TC2N: variants seen among roughly 807,000 people sequenced by gnomAD.
TC2N encodes the protein tandem C2 domains nuclear protein.
TC2N carries 51 observed loss-of-function variants against 61.9 expected under a neutral mutation model. The ratio of observed to expected loss-of-function variants is 0.82; its 90% CI spans 0.66 to 1.04. TC2N has a LOEUF of 1.04. Among genes scored for constraint, TC2N ranks in the 50% least tolerant of loss-of-function variants. TC2N has a pLI of 0.00. For synonymous variants in TC2N, 204 were observed against 192.6 expected (o/e 1.06, Z -0.49); for missense variants, 556 against 566.7 (o/e 0.98, Z 0.19).
At chr14:91,823,310 C>A (rs1009347368) in intron 1 of TC2N, among the ~76,000 whole-genome samples, 1 of 151,686 alleles carries the variant, frequency 6.6e-6, no homozygotes, top group Non-Finnish European at 1.5e-5. Context: ...CACCTAAGGT[C>A]GGGAGTTCGA....
chr14:91,838,681 T>C lies in TC2N; in HGVS notation c.-56-24856A>G, dbSNP rs1199954200. Among the ~76,000 whole-genome samples, 3 of 152,238 alleles carry C rather than the reference T, an allele frequency of 2.0e-5. No individual in the cohort carries two copies. In the East Asian group the frequency reaches 5.8e-4, roughly 29 times the overall value. ...CCTTAAATGAACAACTTTAACAAAC[T>C]CTTCACTGATGCAGAAGTACCAAGA... is the stretch of plus-strand genomic sequence containing the variant. On this transcript the variant is annotated intron_variant, in intron 1 of 11. Transcript: ENST00000435962.
chr14:91,787,279 TA>T (rs1885410876), intron 10 of TC2N, among the ~76,000 whole-genome samples: 1 of 151,930 alleles, frequency 6.6e-6, no homozygotes, highest in South Asian at 2.1e-4. Context: ...ATGAGCTAAA[TA>T]AAAAACAGTA....
chr14:91,797,254 T>C (rs897232693), intron 8 of TC2N, among the ~76,000 whole-genome samples: 8 of 152,204 alleles, frequency 5.3e-5, no homozygotes, highest in African/African-American at 1.9e-4. Flanking sequence ...TTGAATGATA[T>C]TATTTTAAAA....
At chr14:91,820,642 A>C (rs565360012) in intron 1 of TC2N, among the ~76,000 whole-genome samples, 18 of 151,982 alleles carry the variant, frequency 1.2e-4, no homozygotes, top group African/African-American at 4.3e-4. Context: ...TGTCAAAGGC[A>C]TTCATCTTGG....
At position 91,803,199 on chromosome 14, in the gene TC2N, A is replaced by G. The variant is rs76836820; in HGVS notation, c.302-778T>C. On this transcript the variant is annotated intron_variant, in intron 3 of 11. Transcript: ENST00000435962. ...ACAGGGAAAAAATAAGCCTGCATTC[A>G]ACTAAAGATATTCACAAAAAAATTA... 6.7e-3 allele frequency among the ~76,000 whole-genome samples: 1,024 copies of G among 152,194 alleles called. 7 individuals are homozygous for G. Among genetic ancestry groups the G allele is most frequent in the Non-Finnish European group, 9.6e-3 (651 of 67,996 alleles).
intron 1 of TC2N, among the ~76,000 whole-genome samples, chr14:91,852,379 G>A (rs112142043): frequency 2.4e-4 from 36 of 152,038 alleles, no homozygotes; most frequent in Admixed American, 1.1e-3. Flanking sequence ...TGCGGTGAGC[G>A]GAGATCATGC....
intron 1 of TC2N, among the ~76,000 whole-genome samples, chr14:91,833,363 G>A (rs1031066044): frequency 1.2e-4 from 18 of 152,066 alleles, no homozygotes; most frequent in African/African-American, 3.9e-4. Flanking sequence ...TATAGTATTT[G>A]AAGGAGGTAA....
At chr14:91,826,707 A>C (rs1161033447) in intron 1 of TC2N, among the ~76,000 whole-genome samples, 3 of 152,006 alleles carry the variant, frequency 2.0e-5, no homozygotes, top group Admixed American at 1.3e-4. Flanking sequence ...TCTACTATCC[A>C]CTCTGACAAT....
intron 1 of TC2N, among the ~76,000 whole-genome samples, chr14:91,823,344 A>ACCTG (rs1417591169): frequency 6.6e-6 from 1 of 151,718 alleles, no homozygotes; most frequent in East Asian, 2.0e-4. Context: ...AACCTGAAGA[A>ACCTG]ACCCCATCTC....
intron 1 of TC2N, among the ~76,000 whole-genome samples, chr14:91,849,753 G>T (rs1195049653): frequency 1.3e-5 from 2 of 152,114 alleles, no homozygotes; most frequent in Non-Finnish European, 2.9e-5. Flanking sequence ...TGGCATTAAA[G>T]ATGGGGTTTA....
chr14:91,797,271 C>A (rs1027086633), intron 8 of TC2N, among the ~76,000 whole-genome samples: 12 of 151,952 alleles, frequency 7.9e-5, no homozygotes, highest in Admixed American at 3.3e-4. Flanking sequence ...AAAATGATGT[C>A]TTTTAGAAGA....
intron 3 of TC2N, among the ~76,000 whole-genome samples, chr14:91,803,683 C>T (rs1886371825): frequency 6.6e-6 from 1 of 151,952 alleles, no homozygotes; most frequent in African/African-American, 2.4e-5. Flanking sequence ...TCTTGAACTC[C>T]TGGGTTCAAG....
intron 3 of TC2N, among the ~76,000 whole-genome samples, chr14:91,805,798 G>C (rs1268939218): frequency 2.6e-5 from 4 of 152,158 alleles, no homozygotes; most frequent in Non-Finnish European, 5.9e-5. Flanking sequence ...GTAGTATACA[G>C]TAATGTCCTA....
intron 1 of TC2N, among the ~76,000 whole-genome samples, chr14:91,824,356 G>C (rs966344349): frequency 6.6e-6 from 1 of 152,106 alleles, no homozygotes; most frequent in Non-Finnish European, 1.5e-5. Flanking sequence ...GGGCTTATTT[G>C]CCTCTGCTGG....
chr14:91,807,277 A>G (rs1424843423), intron 3 of TC2N, among the ~76,000 whole-genome samples: 1 of 152,206 alleles, frequency 6.6e-6, no homozygotes, highest in Non-Finnish European at 1.5e-5. Context: ...GGCACTGCCT[A>G]GTAGAGCTGT....
chr14:91,857,561 A>T (rs990325689), intron 1 of TC2N, among the ~76,000 whole-genome samples: 1 of 152,196 alleles, frequency 6.6e-6, no homozygotes, highest in Non-Finnish European at 1.5e-5. Context: ...TTCTCAAAAC[A>T]ACTGGAGCCG....
chr14:91,849,247 C>T (rs1888326833), intron 1 of TC2N, among the ~76,000 whole-genome samples: 1 of 152,064 alleles, frequency 6.6e-6, no homozygotes, highest in Admixed American at 6.6e-5. Flanking sequence ...TTGATTGGTT[C>T]ATGAGATGGT....
intron 1 of TC2N, among the ~76,000 whole-genome samples, chr14:91,866,924 T>C (rs1382982293): frequency 2.0e-5 from 3 of 152,254 alleles, no homozygotes; most frequent in Non-Finnish European, 4.4e-5. Flanking sequence ...CTTTGCAGTA[T>C]ACACTTTGCC....
At chr14:91,796,999 A>G (rs912175662) in intron 8 of TC2N, among the ~76,000 whole-genome samples, 8 of 152,262 alleles carry the variant, frequency 5.3e-5, no homozygotes, top group Non-Finnish European at 7.4e-5. Flanking sequence ...TTCCACAGAA[A>G]TAATTTCCAG....
Sources: gnomAD v4.1 joint callset for allele counts (sites outside exome capture counted in the v4.1 genomes callset) on GRCh38, gnomAD v4.1.1 for gene constraint, MANE v1.5 for transcripts, NCBI Gene and HGNC (gene_info 2026-07-23, HGNC 2026-07-21) for gene names.